The following LANCL3 variants were observed in gnomAD, a reference collection of about 807,000 sequenced individuals.
LANCL3 encodes the protein lanC-like protein 3.
In LANCL3, 19 loss-of-function variants were observed where a neutral mutation model predicts 26.5. The ratio of observed to expected loss-of-function variants is 0.72; its 90% CI spans 0.50 to 1.05. The LOEUF is 1.05. Among genes scored for constraint, LANCL3 ranks in the 50% least tolerant of loss-of-function variants. The pLI, the probability that LANCL3 is intolerant of heterozygous loss-of-function variation, is 0.00. For synonymous variants in LANCL3, 160 were observed against 166.6 expected (o/e 0.96, Z 0.30); for missense variants, 318 against 362.7 (o/e 0.88, Z 1.00).
In LANCL3 at chrX:37,675,789, C is replaced by T. The variant is rs1556437053; in HGVS notation, c.1239C>T (p.Phe413=). ...IDLLQPNQAE[F]PLFSVFV is the part of the protein sequence containing the mutation. ...TGCTGCAGCCCAATCAGGCTGAATT[C>T]CCACTCTTCAGCGTCTTTGTTTAGA... The change falls in exon 5 of 5, where the codon TTC becomes TTT. Residue 413 remains phenylalanine, a synonymous_variant. Coordinates refer to ENST00000378619, the MANE Select transcript of LANCL3 (RefSeq NM_001170331.2). 8.6e-7 allele frequency: 1 copy of T among 1,156,458 alleles called. No homozygotes were observed. Among genetic ancestry groups the T allele is most frequent in the African/African-American group, 1.8e-5 (1 of 55,838 alleles).
chrX:37,648,784 A>G (rs1181255572), intron 1 of LANCL3, among the ~76,000 whole-genome samples: 1 of 112,276 alleles, frequency 8.9e-6, no homozygotes, highest in Non-Finnish European at 1.9e-5. Context: ...AACCCTACAA[A>G]AAGTGGGCAA....
intron 1 of LANCL3, among the ~76,000 whole-genome samples, chrX:37,619,675 G>A (rs1925103532): frequency 9.0e-6 from 1 of 111,564 alleles, no homozygotes; most frequent in Admixed American, 9.5e-5. Flanking sequence ...GACAAAATCT[G>A]CCCTTGATCA....
intron 1 of LANCL3, among the ~76,000 whole-genome samples, chrX:37,600,168 TATTGAG>T (rs1924541826): frequency 8.9e-6 from 1 of 111,999 alleles, no homozygotes; most frequent in African/African-American, 3.2e-5. Context: ...TACAATAAGA[TATTGAG>T]AGAGAGAGGG....
At chrX:37,602,938 C>T (rs1007256077) in intron 1 of LANCL3, among the ~76,000 whole-genome samples, 3 of 102,627 alleles carry the variant, frequency 2.9e-5, no homozygotes, top group Middle Eastern at 4.8e-3. Flanking sequence ...GTCTAGTCAC[C>T]GGATAAAAAG....
At chrX:37,586,269 T>C (rs1479474346) in intron 1 of LANCL3, among the ~76,000 whole-genome samples, 15 of 111,338 alleles carry the variant, frequency 1.3e-4, no homozygotes, top group Non-Finnish European at 5.6e-5. Context: ...CTGACCGTTA[T>C]GTGTCTTGGA....
intron 1 of LANCL3, among the ~76,000 whole-genome samples, chrX:37,611,053 A>T (rs1418151665): frequency 1.8e-5 from 2 of 111,618 alleles, no homozygotes; most frequent in African/African-American, 3.3e-5. Context: ...GAGACTCTTG[A>T]TGGATGGTGT....
chrX:37,659,635 G>A lies in LANCL3; in HGVS notation c.871G>A (p.Val291Met). ...GETIERENEL[V>M]HWCHGAPGIA... ...GACCATCGAGAGAGAGAATGAGCTG[G>A]TGCACTGGTGCCATGGCGCTCCAGG... The change falls in exon 3 of 5, where the codon GTG becomes ATG. Residue 291 changes from valine to methionine, a missense_variant. By Grantham distance (21) the Val-to-Met change is conservative. Transcript: ENST00000378619. The A allele has an allele frequency of 8.3e-7, 1 of 1,210,107 alleles. No individual in the cohort carries two copies. Among genetic ancestry groups the A allele is most frequent in the South Asian group, 1.8e-5 (1 of 56,798 alleles).
At chrX:37,592,215 AC>A (rs1329035738) in intron 1 of LANCL3, among the ~76,000 whole-genome samples, 1 of 112,209 alleles carries the variant, frequency 8.9e-6, no homozygotes, top group Admixed American at 9.5e-5. Context: ...AGATACATTC[AC>A]AAAAAAAGAA....
chrX:37,667,906 C>T (rs1418930185), intron 4 of LANCL3, among the ~76,000 whole-genome samples: 1 of 110,451 alleles, frequency 9.1e-6, no homozygotes, highest in Non-Finnish European at 1.9e-5. Flanking sequence ...AGGAAAGTGC[C>T]AGGCTCTTTT....
intron 1 of LANCL3, among the ~76,000 whole-genome samples, chrX:37,579,445 G>A (rs1401913956): frequency 9.0e-6 from 1 of 111,621 alleles, no homozygotes; most frequent in Non-Finnish European, 1.9e-5. Context: ...GTGACCATGG[G>A]GCAGGTGGTT....
chrX:37,676,507 T>C lies in LANCL3; in HGVS notation c.*694T>C, dbSNP rs1250072459. Reference sequence around the variant, plus strand: ...TCCTTTTTTTTCCTCAAAGCTCAATTAGAATAGCAAAATTTATAAGCTAGT... The same window carrying C: ...TCCTTTTTTTTCCTCAAAGCTCAATCAGAATAGCAAAATTTATAAGCTAGT... On this transcript the variant is annotated 3_prime_UTR_variant, in exon 5 of 5. Coordinates refer to ENST00000378619, the MANE Select transcript of LANCL3 (RefSeq NM_001170331.2). 1.8e-5 allele frequency: 2 copies of C among 111,887 alleles called. No homozygotes were observed. The highest frequency in any genetic ancestry group is 6.5e-5 in the African/African-American group (2 of 30,813). The allele number at this position is 111,887 out of a possible 1,213,427, so 9.2% of individuals were successfully genotyped here.
chrX:37,652,224 TAG>T (rs1569469062), intron 1 of LANCL3, among the ~76,000 whole-genome samples: 1 of 111,084 alleles, frequency 9.0e-6, no homozygotes, highest in African/African-American at 3.3e-5. Context: ...TTCCTGTAGG[TAG>T]GACTCTTGCC....
chrX:37,591,608 C>G (rs1556418957), intron 1 of LANCL3, among the ~76,000 whole-genome samples: 1 of 110,284 alleles, frequency 9.1e-6, no homozygotes, highest in Non-Finnish European at 1.9e-5. Flanking sequence ...GGAAATGAAG[C>G]AAGAGTGTGA....
chrX:37,625,286 C>T (rs1194573154), intron 1 of LANCL3, among the ~76,000 whole-genome samples: 2 of 111,754 alleles, frequency 1.8e-5, no homozygotes, highest in African/African-American at 6.5e-5. Flanking sequence ...TTTCCTCACT[C>T]ATGGGGCATC....
At chrX:37,630,678 C>T (rs782227725) in intron 1 of LANCL3, among the ~76,000 whole-genome samples, 1 of 110,222 alleles carries the variant, frequency 9.1e-6, no homozygotes, top group African/African-American at 3.3e-5. Context: ...TGAATTTTGT[C>T]AAAGGCCTTT....
At chrX:37,620,702 G>C (rs1265503484) in intron 1 of LANCL3, among the ~76,000 whole-genome samples, 1 of 111,704 alleles carries the variant, frequency 9.0e-6, no homozygotes, top group Non-Finnish European at 1.9e-5. Flanking sequence ...GTTGCCCCAG[G>C]AAGCAGAAAT....
At chrX:37,619,909 A>G (rs1260535726) in intron 1 of LANCL3, among the ~76,000 whole-genome samples, 1 of 112,249 alleles carries the variant, frequency 8.9e-6, no homozygotes, top group African/African-American at 3.2e-5. Context: ...ATCCCAATCT[A>G]TCAATAAACT....
At chrX:37,587,742 C>A (rs1277074227) in intron 1 of LANCL3, among the ~76,000 whole-genome samples, 2 of 112,519 alleles carry the variant, frequency 1.8e-5, no homozygotes, top group African/African-American at 6.5e-5. Context: ...CTTTGTGCTT[C>A]CCGGGTGAGG....
intron 1 of LANCL3, among the ~76,000 whole-genome samples, chrX:37,639,471 G>A (rs1194715277): frequency 9.2e-6 from 1 of 109,156 alleles, no homozygotes; most frequent in African/African-American, 3.3e-5. Flanking sequence ...TCATGGGGAA[G>A]CCTGCTTTGG....
Sources: gnomAD v4.1 joint callset for allele counts (sites outside exome capture counted in the v4.1 genomes callset) on GRCh38, gnomAD v4.1.1 for gene constraint, MANE v1.5 for transcripts, NCBI Gene and HGNC (gene_info 2026-07-23, HGNC 2026-07-21) for gene names.